CNNM4: variants seen among roughly 807,000 people sequenced by gnomAD.
CNNM4 encodes the protein metal transporter CNNM4.
A neutral mutation model predicts 53.7 loss-of-function variants in CNNM4; 32 were observed. The observed-to-expected ratio is 0.60, with a 90% CI of 0.45 to 0.80. The LOEUF (loss-of-function observed/expected upper bound fraction) is 0.80. CNNM4 is among the 30% of genes least tolerant of loss of function. CNNM4 has a pLI of 0.00. For missense variants in CNNM4, 784 were observed against 1,022.0 expected, an observed-to-expected ratio of 0.77 and a Z score of 3.17; for synonymous variants, 410 against 440.0, an observed-to-expected ratio of 0.93 and a Z score of 0.85.
intron 4 of CNNM4, 31 bp downstream of exon 4, chr2:96,799,257 T>C: frequency 6.2e-7 from 1 of 1,613,478 alleles, no homozygotes; most frequent in Non-Finnish European, 8.5e-7. Flanking sequence ...GCCTGCCACC[T>C]GCTCCCCCTG....
chr2:96,769,406 T>TA (rs1268633200), intron 1 of CNNM4, among the ~76,000 whole-genome samples: 1 of 149,310 alleles, frequency 6.7e-6, no homozygotes, highest in Admixed American at 6.7e-5. Context: ...CCGTCTCTAC[T>TA]AAAAATACAA....
chr2:96,800,612 G>A lies in CNNM4; in HGVS notation c.1948+964G>A, dbSNP rs930760755. ...CAGGGGACAGACAGGGCCCCAGAGC[G>A]GGGCTCTGAGCAGGTTAACCCTATC... On this transcript the variant is annotated intron_variant, in intron 5 of 6. Transcript: ENST00000377075. The surrounding 1 kb of genome is among the most constrained non-coding windows in gnomAD (Gnocchi z 4.6). Among the ~76,000 whole-genome samples, 1 of 152,234 alleles carries A rather than the reference G, an allele frequency of 6.6e-6. No homozygotes were observed. Among genetic ancestry groups the A allele is most frequent in the African/African-American group, 2.4e-5 (1 of 41,462 alleles).
intron 1 of CNNM4, among the ~76,000 whole-genome samples, chr2:96,783,468 C>G (rs1046689243): frequency 6.6e-6 from 1 of 152,102 alleles, no homozygotes; most frequent in Non-Finnish European, 1.5e-5. Flanking sequence ...GGACACAGTT[C>G]ACTCCTCTCT....
chr2:96,780,109 A>AT, intron 1 of CNNM4, among the ~76,000 whole-genome samples: 1 of 151,864 alleles, frequency 6.6e-6, no homozygotes, highest in East Asian at 2.0e-4. Flanking sequence ...CAGACTTGAC[A>AT]TTTTATAGTA....
chr2:96,765,266 AC>A (rs2078806137), intron 1 of CNNM4, among the ~76,000 whole-genome samples: 2 of 150,802 alleles, frequency 1.3e-5, no homozygotes, highest in African/African-American at 4.9e-5. Flanking sequence ...AGCTGGGGTT[AC>A]GGGCATGTGC....
intron 1 of CNNM4, among the ~76,000 whole-genome samples, chr2:96,787,204 G>A (rs1019266729): frequency 6.6e-6 from 1 of 152,192 alleles, no homozygotes; most frequent in Non-Finnish European, 1.5e-5. Context: ...AGAGTCCAAG[G>A]TCTTGCATAT....
In CNNM4 at chr2:96,761,682, A is replaced by T. The variant is rs1465422138; in HGVS notation, c.683A>T (p.Tyr228Phe). 1 of 1,610,344 alleles carries T rather than the reference A, an allele frequency of 6.2e-7. No homozygotes were observed. Among genetic ancestry groups the T allele is most frequent in the East Asian group, 2.2e-5 (1 of 44,846 alleles). Reference protein sequence around the residue: ...QNCGTEKERRYARKIEPIRRK... With the variant: ...QNCGTEKERRFARKIEPIRRK... ...TGTGGCACCGAGAAGGAGAGGCGCT[A>T]TGCCCGCAAGATTGAGCCCATCCGG... The change falls in exon 1 of 7, where the codon TAT (tyrosine) becomes TTT (phenylalanine). Residue 228 changes from tyrosine to phenylalanine, a missense_variant. Tyr to Phe is a conservative substitution (Grantham distance 22). Around this residue, in one of 3 missense-constraint regions of CNNM4, gnomAD observed 473 missense variants for 624.6 expected, o/e 0.76. Transcript: ENST00000377075. The surrounding 1 kb of genome is among the most constrained non-coding windows in gnomAD (Gnocchi z 6.0).
At position 96,765,254 on chromosome 2, in the gene CNNM4, G is replaced by A. The variant is rs1409673228; in HGVS notation, c.1402+2853G>A. Among the ~76,000 whole-genome samples, 5 of 150,990 alleles carry A rather than the reference G, an allele frequency of 3.3e-5. No homozygotes were observed. In the East Asian group the frequency reaches 9.9e-4, roughly 30 times the overall value. On this transcript the variant is annotated intron_variant, in intron 1 of 6. Coordinates refer to ENST00000377075, the MANE Select transcript of CNNM4 (RefSeq NM_020184.4). ...CGATTCTTCTGCCTCAGCCTCCTGA[G>A]TAGCTGGGGTTACGGGCATGTGCCA...
chr2:96,787,807 C>G (rs2079027550), intron 1 of CNNM4, among the ~76,000 whole-genome samples: 1 of 152,158 alleles, frequency 6.6e-6, no homozygotes. Context: ...TTGCAGTGAG[C>G]TGTGATTGTG....
At chr2:96,782,545 G>A (rs112634827) in intron 1 of CNNM4, among the ~76,000 whole-genome samples, 1,939 of 151,642 alleles carry the variant, frequency 0.013, 40 homozygotes, top group African/African-American at 0.045. Context: ...ATAATTGTTT[G>A]ATAGTGAGCA....
rs1259411178 is a variant in CNNM4 at position 96,808,662 on chromosome 2, A to T, written c.2050A>T (p.Asn684Tyr). 1.2e-6 allele frequency: 2 copies of T among 1,614,206 alleles called. No individual in the cohort carries two copies. Among genetic ancestry groups the T allele is most frequent in the South Asian group, 2.2e-5 (2 of 91,084 alleles). The change falls in exon 6 of 7, where the codon AAC becomes TAC. Residue 684 changes from asparagine to tyrosine, a missense_variant. Around this residue, in one of 3 missense-constraint regions of CNNM4, gnomAD observed 307 missense variants for 376.3 expected, o/e 0.82. Coordinates refer to ENST00000377075, the MANE Select transcript of CNNM4 (RefSeq NM_020184.4). The surrounding 1 kb of genome is among the most constrained non-coding windows in gnomAD (Gnocchi z 4.9). ...STAATLAGSS[N>Y]QFGSSVLGQY... Reference sequence around the variant, plus strand: ...TGCAGCAACCTTGGCAGGCAGCAGCAACCAGTTTGGCAGCTCTGTCCTGGG... The same window carrying T: ...TGCAGCAACCTTGGCAGGCAGCAGCTACCAGTTTGGCAGCTCTGTCCTGGG...
chr2:96,802,345 A>G (rs1407013418), intron 5 of CNNM4, among the ~76,000 whole-genome samples: 1 of 152,264 alleles, frequency 6.6e-6, no homozygotes. Context: ...CACGGCCAAG[A>G]GGAGACGCAC....
chr2:96,807,732 C>T (rs2079222439), intron 5 of CNNM4, among the ~76,000 whole-genome samples: 1 of 151,944 alleles, frequency 6.6e-6, no homozygotes. Context: ...AAGACTCTGT[C>T]TCCAAAGAAA....
intron 1 of CNNM4, among the ~76,000 whole-genome samples, chr2:96,768,928 C>T (rs2078842261): frequency 6.6e-6 from 1 of 152,188 alleles, no homozygotes; most frequent in South Asian, 2.1e-4. Flanking sequence ...GGCTGAGGAG[C>T]AAGGCCAGGA....
chr2:96,807,036 T>C (rs1384376803), intron 5 of CNNM4, among the ~76,000 whole-genome samples: 1 of 152,160 alleles, frequency 6.6e-6, no homozygotes, highest in African/African-American at 2.4e-5. Flanking sequence ...GCATTTTCTT[T>C]TTTGGGTGTT....
At chr2:96,792,447 C>T (rs1410226119) in intron 1 of CNNM4, among the ~76,000 whole-genome samples, 1 of 152,060 alleles carries the variant, frequency 6.6e-6, no homozygotes. Flanking sequence ...TCCCCTTCCC[C>T]GCTCCCCTTC....
intron 1 of CNNM4, among the ~76,000 whole-genome samples, chr2:96,769,017 C>T (rs968811145): frequency 6.6e-6 from 1 of 151,780 alleles, no homozygotes; most frequent in Non-Finnish European, 1.5e-5. Flanking sequence ...TTTGGGAGGC[C>T]GAGGCGGGCG....
chr2:96,781,169 C>T (rs934513522), intron 1 of CNNM4, among the ~76,000 whole-genome samples: 6 of 151,808 alleles, frequency 4.0e-5, no homozygotes, highest in African/African-American at 1.2e-4. Context: ...TTAGTAGAGA[C>T]GGGGTTTCAC....
intron 1 of CNNM4, among the ~76,000 whole-genome samples, chr2:96,792,384 A>G (rs1326561546): frequency 1.3e-5 from 2 of 152,176 alleles, no homozygotes; most frequent in Non-Finnish European, 2.9e-5. Context: ...CGAAGTATAG[A>G]AACTTCTAAA....
Sources: allele counts gnomAD v4.1 joint callset (sites outside exome capture counted in the v4.1 genomes callset), GRCh38; gene constraint gnomAD v4.1.1; regional missense constraint gnomAD v4.1.1; non-coding constraint Gnocchi (gnomAD v3.1); transcripts MANE v1.5; gene names NCBI Gene and HGNC (gene_info 2026-07-23, HGNC 2026-07-21).